Variants in C7orf57 observed in about 807,000 individuals in gnomAD.
The protein encoded by C7orf57 is chromosome 7 open reading frame 57.
Under a neutral mutation model 39.0 loss-of-function variants are expected in C7orf57, and 33 were observed. That is an observed-to-expected ratio of 0.85 (90% CI 0.64 to 1.13). C7orf57 has a LOEUF of 1.13. Ranked by LOEUF, C7orf57 falls within the 50% of genes most tolerant of loss-of-function variation. The pLI is 0.00. For missense variants in C7orf57, 346 were observed against 362.3 expected, an observed-to-expected ratio of 0.95 and a Z score of 0.37; for synonymous variants, 124 against 137.1, an observed-to-expected ratio of 0.90 and a Z score of 0.67.
In C7orf57 at chr7:48,061,069, C is replaced by T. The variant is rs1358719326; in HGVS notation, c.*797C>T. On this transcript the variant is annotated 3_prime_UTR_variant, in exon 9 of 9. Coordinates refer to ENST00000348904, the MANE Select transcript of C7orf57 (RefSeq NM_001100159.3). ...TAATAATTTTATGTGAGAATGTTTT[C>T]AAAAAGCCAAATAAAGTCACAGATA... 2 of 151,952 alleles carry T rather than the reference C, an allele frequency of 1.3e-5. No homozygotes were observed. The highest frequency in any genetic ancestry group is 4.8e-5 in the African/African-American group (2 of 41,404). The allele number at this position is 151,952 out of a possible 1,614,324, so 9.4% of individuals were successfully genotyped here. A position where few individuals can be genotyped will look rare whatever the true frequency, so the allele number is the denominator to read the frequency against.
At chr7:48,042,676 C>T (rs1014189021) in intron 3 of C7orf57, among the ~76,000 whole-genome samples, 1 of 150,386 alleles carries the variant, frequency 6.6e-6, no homozygotes, top group Non-Finnish European at 1.5e-5. Context: ...ATGAAAAGTG[C>T]TTTAAAAGTA....
intron 8 of C7orf57, among the ~76,000 whole-genome samples, chr7:48,057,425 G>A (rs1217494680): frequency 1.3e-5 from 2 of 151,924 alleles, no homozygotes. Context: ...CAGATCATTT[G>A]TTGTTAGTAT....
chr7:48,055,662 C>T lies in C7orf57; in HGVS notation c.841+1056C>T, dbSNP rs1791096430. 2.0e-5 allele frequency among the ~76,000 whole-genome samples: 3 copies of T among 152,284 alleles called. No homozygotes were observed. In the South Asian group the frequency reaches 6.2e-4, roughly 32 times the overall value. ...CCAGCACCTGGTAACACATTCTATT[C>T]TACTTCTATGAGTTCAATTTTTTTA... On this transcript the variant is annotated intron_variant, in intron 8 of 8. Transcript: ENST00000348904.
intron 8 of C7orf57, 143 bp from the exon 9 acceptor site, chr7:48,060,083 T>G: frequency 2.0e-6 from 1 of 509,830 alleles, no homozygotes; most frequent in East Asian, 3.2e-5. Flanking sequence ...GCCAGGATCA[T>G]AAGCTCAATT....
chr7:48,041,245 T>G, intron 2 of C7orf57, 89 bp from the exon 3 acceptor site: 2 of 1,204,634 alleles, frequency 1.7e-6, no homozygotes, highest in South Asian at 1.6e-5. Flanking sequence ...CACCTGATGG[T>G]GTTGTCTGCA....
At chr7:48,047,007 T>C (rs1790737040) in intron 5 of C7orf57, among the ~76,000 whole-genome samples, 1 of 152,198 alleles carries the variant, frequency 6.6e-6, no homozygotes, top group Non-Finnish European at 1.5e-5. Context: ...TTGTTGATAA[T>C]AAAGGAAGAG....
intron 2 of C7orf57, among the ~76,000 whole-genome samples, chr7:48,036,804 A>G (rs1790381157): frequency 6.6e-6 from 1 of 152,122 alleles, no homozygotes; most frequent in East Asian, 1.9e-4. Flanking sequence ...CAAGTTAAAT[A>G]TACATTCTGG....
chr7:48,051,845 TTCTTTCTTTCTTTCTTTCTTTCTTTCTC>T lies in C7orf57; in HGVS notation c.606-853_606-826del, dbSNP rs1562630200. On this transcript the variant is annotated intron_variant, in intron 6 of 8. Coordinates refer to ENST00000348904, the MANE Select transcript of C7orf57 (RefSeq NM_001100159.3). ...TTTCTTTCTTTCTTTCTTTCTTTCT[TTCTTTCTTTCTTTCTTTCTTTCTTTCTC>T]TTTCTCTTTCTTTCTTTCCTTCCTT... Among the ~76,000 whole-genome samples, 96 of 81,124 alleles carry T rather than the reference TTCTTTCTTTCTTTCTTTCTTTCTTTCTC, an allele frequency of 1.2e-3. 5 individuals carry two copies. The highest frequency in any genetic ancestry group is 6.4e-3 in the African/African-American group (95 of 14,764). The allele number at this position is 81,124 out of a possible 152,430, so 53.2% of individuals were successfully genotyped here.
intron 7 of C7orf57, among the ~76,000 whole-genome samples, chr7:48,054,234 G>T (rs1791043817): frequency 1.3e-5 from 2 of 152,030 alleles, no homozygotes; most frequent in Admixed American, 1.3e-4. Flanking sequence ...GACCAACATG[G>T]AGAAACCCCG....
chr7:48,048,580 A>ATTTC (rs1430583516), intron 5 of C7orf57, among the ~76,000 whole-genome samples: 2 of 151,766 alleles, frequency 1.3e-5, no homozygotes, highest in African/African-American at 2.4e-5. Flanking sequence ...ATGTATTTCT[A>ATTTC]TTTCTTTTAA....
intron 5 of C7orf57, 145 bp downstream of exon 5, chr7:48,046,761 T>G (rs1365439794): frequency 7.3e-6 from 6 of 817,484 alleles, no homozygotes; most frequent in Non-Finnish European, 1.1e-5. Flanking sequence ...AGTTTGGATC[T>G]ACTAAAAGGC....
At chr7:48,038,381 CATATAGATAGATAG>C (rs1028450290) in intron 2 of C7orf57, among the ~76,000 whole-genome samples, 3 of 128,928 alleles carry the variant, frequency 2.3e-5, no homozygotes, top group African/African-American at 1.1e-4. Context: ...TTTCTATATA[CATATAGATAGATAG>C]ATAGATAGAT....
chr7:48,044,118 A>G (rs950685385), intron 4 of C7orf57, among the ~76,000 whole-genome samples: 1 of 152,196 alleles, frequency 6.6e-6, no homozygotes. Flanking sequence ...CGCAGGAACA[A>G]TGGCGAGCCT....
Position 48,035,676 on chromosome 7 carries a change from C to T in C7orf57, c.-102+46C>T, listed in dbSNP as rs1448729297. On this transcript the variant is annotated intron_variant, in intron 1 of 8. Transcript: ENST00000348904. This position sits in a 1 kb window ranked among gnomAD's most constrained non-coding sequence, Gnocchi z 4.0. ...GGACAATGGGGGCGCCCACTGTGGTCCCGGGCCTTGTCCACTGTGCGGAGC... is the reference window on the plus strand; with the variant it reads ...GGACAATGGGGGCGCCCACTGTGGTTCCGGGCCTTGTCCACTGTGCGGAGC... The T allele has an allele frequency of 3.2e-6, 2 of 630,892 alleles. No homozygotes were observed. The highest frequency in any genetic ancestry group is 4.8e-5 in the Admixed American group (2 of 41,806). The allele number at this position is 630,892 out of a possible 1,614,324, so 39.1% of individuals were successfully genotyped here. A position where few individuals can be genotyped will look rare whatever the true frequency, so the allele number is the denominator to read the frequency against.
chr7:48,043,029 T>C (rs568365669), intron 3 of C7orf57, among the ~76,000 whole-genome samples: 228 of 152,024 alleles, frequency 1.5e-3, no homozygotes, highest in African/African-American at 5.3e-3. Context: ...CTGGAAATGG[T>C]AGGGGTGGGG....
At chr7:48,045,602 T>A (rs1447163618) in intron 4 of C7orf57, among the ~76,000 whole-genome samples, 1 of 152,182 alleles carries the variant, frequency 6.6e-6, no homozygotes, top group African/African-American at 2.4e-5. Flanking sequence ...ACTTTGCAGC[T>A]GGGGCCTTTT....
At chr7:48,058,401 A>AT (rs1349678334) in intron 8 of C7orf57, among the ~76,000 whole-genome samples, 1 of 151,670 alleles carries the variant, frequency 6.6e-6, no homozygotes, top group Non-Finnish European at 1.5e-5. Context: ...GACAGTTCAA[A>AT]TTTTCTATTT....
At chr7:48,054,940 G>A (rs918572695) in intron 8 of C7orf57, among the ~76,000 whole-genome samples, 2 of 151,944 alleles carry the variant, frequency 1.3e-5, no homozygotes, top group African/African-American at 2.4e-5. Flanking sequence ...GCAGTGGCGC[G>A]ATCTCCGCTC....
chr7:48,039,605 T>A (rs1361159035), intron 2 of C7orf57, among the ~76,000 whole-genome samples: 1 of 152,200 alleles, frequency 6.6e-6, no homozygotes, highest in Non-Finnish European at 1.5e-5. Context: ...CTACCGTTTT[T>A]AATGTTATTT....
Sources: gnomAD v4.1 joint callset for allele counts (sites outside exome capture counted in the v4.1 genomes callset) on GRCh38, gnomAD v4.1.1 for gene constraint, Gnocchi (gnomAD v3.1) non-coding constraint, MANE v1.5 for transcripts, NCBI Gene and HGNC (gene_info 2026-07-23, HGNC 2026-07-21) for gene names.